The following CAST variants were observed in gnomAD, a reference collection of about 807,000 sequenced individuals.
CAST encodes calpastatin.
CAST carries 76 observed loss-of-function variants against 119.6 expected under a neutral mutation model. The observed-to-expected ratio is 0.64, with a 90% CI of 0.53 to 0.77. The LOEUF is 0.77. Ranked by LOEUF, CAST falls within the 30% of genes least tolerant of loss-of-function variation. CAST has a pLI of 0.00. For synonymous variants in CAST, 319 were observed against 331.6 expected, an observed-to-expected ratio of 0.96 and a Z score of 0.41; for missense variants, 953 against 946.5, an observed-to-expected ratio of 1.01 and a Z score of -0.09.
the CAST span, among the ~76,000 whole-genome samples, chr5:96,380,118 G>A: frequency 2.0e-5 from 3 of 152,148 alleles, no homozygotes; most frequent in Non-Finnish European, 4.4e-5. Context: ...TTTTCAGGGT[G>A]TCTGCAAAGC....
the CAST span, among the ~76,000 whole-genome samples, chr5:96,477,719 T>G: frequency 6.6e-6 from 1 of 152,202 alleles, no homozygotes; most frequent in Admixed American, 6.5e-5. Context: ...ATATTCATTT[T>G]CTCTCACCAA....
chr5:96,180,260 A>G, the CAST span, among the ~76,000 whole-genome samples: 3 of 152,238 alleles, frequency 2.0e-5, no homozygotes, highest in Non-Finnish European at 4.4e-5. Context: ...TTGACAGAAA[A>G]GTTACAATGC....
intron 9 of CAST, among the ~76,000 whole-genome samples, chr5:96,735,165 G>A (rs534909533): frequency 6.6e-6 from 1 of 152,232 alleles, no homozygotes; most frequent in Non-Finnish European, 1.5e-5. Context: ...TACATAGCAA[G>A]TACTTACATA....
intron 1 of CAST, among the ~76,000 whole-genome samples, chr5:96,620,903 G>T (rs1249717752): frequency 6.6e-6 from 1 of 152,150 alleles, no homozygotes; most frequent in South Asian, 2.1e-4. Context: ...AAGAAATTAG[G>T]TGATTTCAGT....
the CAST span, among the ~76,000 whole-genome samples, chr5:96,376,893 C>T: frequency 6.6e-6 from 1 of 152,126 alleles, no homozygotes; most frequent in Non-Finnish European, 1.5e-5. Context: ...GTGTCATTCC[C>T]CATAAAGCCC....
At chr5:96,113,744 C>T in the CAST span, among the ~76,000 whole-genome samples, 1 of 152,184 alleles carries the variant, frequency 6.6e-6, no homozygotes, top group Admixed American at 6.5e-5. Flanking sequence ...CATGTCTGCA[C>T]AGGAGACCAG....
the CAST span, among the ~76,000 whole-genome samples, chr5:96,310,755 T>A: frequency 1.3e-5 from 2 of 151,820 alleles, no homozygotes; most frequent in South Asian, 4.1e-4. Flanking sequence ...ATTTTTGTAG[T>A]ATCAGTCATA....
intron 4 of CAST, among the ~76,000 whole-genome samples, chr5:96,725,068 A>G (rs1389159918): frequency 2.0e-5 from 3 of 152,160 alleles, no homozygotes; most frequent in Non-Finnish European, 2.9e-5. Flanking sequence ...CTAAGCATTA[A>G]TCATGAGAAT....
the CAST span, among the ~76,000 whole-genome samples, chr5:96,386,394 G>A: frequency 6.6e-6 from 1 of 152,156 alleles, no homozygotes; most frequent in Non-Finnish European, 1.5e-5. Context: ...GTCTACACTG[G>A]TGATGATTAA....
the CAST span, among the ~76,000 whole-genome samples, chr5:96,201,175 A>C: frequency 1.3e-5 from 2 of 152,148 alleles, no homozygotes; most frequent in Non-Finnish European, 2.9e-5. Context: ...TAATTTTAAA[A>C]GCTTTATGAG....
At chr5:96,274,005 T>G in the CAST span, among the ~76,000 whole-genome samples, 1 of 152,126 alleles carries the variant, frequency 6.6e-6, no homozygotes, top group Non-Finnish European at 1.5e-5. Flanking sequence ...TTTTATTATT[T>G]GACATCTTAG....
the CAST span, among the ~76,000 whole-genome samples, chr5:96,458,321 G>C: frequency 6.6e-6 from 1 of 152,170 alleles, no homozygotes; most frequent in Non-Finnish European, 1.5e-5. Context: ...TCAAACAGTT[G>C]CAAAAGATAC....
At chr5:96,363,116 G>C in the CAST span, among the ~76,000 whole-genome samples, 128,410 of 140,082 alleles carry the variant, frequency 0.92, 59,020 homozygotes, top group African/African-American at 0.97. Flanking sequence ...GCTTGTTTTT[G>C]TCAGGTTTGT....
the CAST span, among the ~76,000 whole-genome samples, chr5:96,058,657 G>A: frequency 2.6e-5 from 4 of 152,048 alleles, no homozygotes; most frequent in Admixed American, 1.3e-4. Context: ...GCTTTCACTG[G>A]TGAACTGGGA....
At chr5:96,364,184 A>C in the CAST span, among the ~76,000 whole-genome samples, 3 of 152,182 alleles carry the variant, frequency 2.0e-5, no homozygotes, top group Admixed American at 2.0e-4. Context: ...GGATGAAGAC[A>C]ACTTGATCAT....
At chr5:96,128,348 G>C in the CAST span, among the ~76,000 whole-genome samples, 1 of 152,084 alleles carries the variant, frequency 6.6e-6, no homozygotes, top group Non-Finnish European at 1.5e-5. Flanking sequence ...TTTGATTTTA[G>C]TCTGATTGAT....
chr5:96,716,261 G>GTTTTGCGTATATGTGTTTTATTTTT (rs1561513187), intron 3 of CAST, among the ~76,000 whole-genome samples: 7 of 152,170 alleles, frequency 4.6e-5, no homozygotes, highest in Non-Finnish European at 4.4e-5. Flanking sequence ...GCAGCTCAGG[G>GTTTTGCGTATATGTGTTTTATTTTT]TTTTGCGTAT....
At chr5:96,428,599 T>C in the CAST span, among the ~76,000 whole-genome samples, 13 of 152,274 alleles carry the variant, frequency 8.5e-5, no homozygotes, top group African/African-American at 3.1e-4. Context: ...AGATACAAAC[T>C]AGGATGAAAA....
chr5:95,986,832 A>G, the CAST span, among the ~76,000 whole-genome samples: 1 of 152,164 alleles, frequency 6.6e-6, no homozygotes, highest in Admixed American at 6.5e-5. Context: ...TTCATTTCAC[A>G]TTCATGATTG....
Sources: gnomAD v4.1 joint callset for allele counts (sites outside exome capture counted in the v4.1 genomes callset) on GRCh38, gnomAD v4.1.1 for gene constraint, MANE v1.5 for transcripts, NCBI Gene and HGNC (gene_info 2026-07-23, HGNC 2026-07-21) for gene names.